CYTH1: variants seen among roughly 807,000 people sequenced by gnomAD.
The protein encoded by CYTH1 is cytohesin-1.
In CYTH1, 18 loss-of-function variants were observed where a neutral mutation model predicts 61.8. The ratio of observed to expected loss-of-function variants is 0.29; its 90% CI spans 0.20 to 0.43. CYTH1 has a LOEUF of 0.43. Ranked by LOEUF, CYTH1 falls within the 20% of genes least tolerant of loss-of-function variation. The pLI is 1.00. For missense variants in CYTH1, 336 were observed against 510.5 expected (o/e 0.66, Z 3.29); for synonymous variants, 174 against 184.3 (o/e 0.94, Z 0.45).
At chr17:78,748,850 C>T (rs1164638649) in intron 1 of CYTH1, among the ~76,000 whole-genome samples, 1 of 152,116 alleles carries the variant, frequency 6.6e-6, no homozygotes, top group East Asian at 1.9e-4. Context: ...ATATATCACC[C>T]CTTCCTTGCA....
intron 1 of CYTH1, among the ~76,000 whole-genome samples, chr17:78,781,234 C>T (rs1041974471): frequency 6.6e-6 from 1 of 151,778 alleles, no homozygotes; most frequent in African/African-American, 2.4e-5. Flanking sequence ...TCCATTTGGC[C>T]ACAGAGTTCT....
At chr17:78,699,901 T>C (rs1002316783) in intron 7 of CYTH1, among the ~76,000 whole-genome samples, 10 of 152,196 alleles carry the variant, frequency 6.6e-5, no homozygotes, top group African/African-American at 2.4e-4. Context: ...GAGATCCTCC[T>C]GCCTCAGCCT....
chr17:78,738,697 T>A (rs1282290133), intron 1 of CYTH1, among the ~76,000 whole-genome samples: 1 of 152,200 alleles, frequency 6.6e-6, no homozygotes, highest in Non-Finnish European at 1.5e-5. Flanking sequence ...TGGTTTAGTA[T>A]GTCAAAATCA....
Position 78,760,382 on chromosome 17 carries a change from TATACAC to T in CYTH1, c.22+21814_22+21819del, listed in dbSNP as rs1297688488. The stretch of plus-strand genomic sequence containing the variant: ...ATATATATATATATATATATATATA[TATACAC>T]ACACATACATATATATATGTGTATA... On this transcript the variant is annotated intron_variant, in intron 1 of 13. Coordinates refer to ENST00000446868, the MANE Select transcript of CYTH1 (RefSeq NM_004762.6). Among the ~76,000 whole-genome samples the T allele has an allele frequency of 4.0e-3, 206 of 51,692 alleles. 19 individuals carry two copies. Among genetic ancestry groups the T allele is most frequent in the African/African-American group, 0.012 (156 of 12,934 alleles). 33.9% of individuals were successfully genotyped at this position (51,692 alleles called of 152,430 possible).
chr17:78,690,393 CAAAAAAAAAAAAAAAAAAAAAAAAAA>C (rs60663636), intron 11 of CYTH1, among the ~76,000 whole-genome samples: 2 of 28,314 alleles, frequency 7.1e-5, no homozygotes, highest in East Asian at 3.8e-3. Context: ...GACTCCATCT[CAAAAAAAAAAAAAAAAAAAAAAAAAA>C]AAAAAAAAAA....
At chr17:78,713,215 CG>C (rs1244926516) in intron 1 of CYTH1, among the ~76,000 whole-genome samples, 1 of 151,922 alleles carries the variant, frequency 6.6e-6, no homozygotes, top group Non-Finnish European at 1.5e-5. Context: ...TCTACAGAAA[CG>C]CATGTTTAAA....
intron 3 of CYTH1, among the ~76,000 whole-genome samples, chr17:78,704,114 G>A (rs980149664): frequency 6.6e-6 from 1 of 152,194 alleles, no homozygotes; most frequent in Non-Finnish European, 1.5e-5. Flanking sequence ...CATATCAGAC[G>A]TGAAGACGCT....
chr17:78,775,398 G>A (rs140819034), intron 1 of CYTH1, among the ~76,000 whole-genome samples: 11 of 152,230 alleles, frequency 7.2e-5, no homozygotes, highest in African/African-American at 2.2e-4. Flanking sequence ...CAGCAGATAC[G>A]TTTTTATGCA....
At chr17:78,721,980 G>A (rs2093233089) in intron 1 of CYTH1, among the ~76,000 whole-genome samples, 1 of 152,160 alleles carries the variant, frequency 6.6e-6, no homozygotes, top group Non-Finnish European at 1.5e-5. Context: ...CTGGGAGGCG[G>A]AGGGTGCAGC....
intron 1 of CYTH1, among the ~76,000 whole-genome samples, chr17:78,718,934 T>G (rs1268114013): frequency 6.6e-6 from 1 of 152,228 alleles, no homozygotes; most frequent in East Asian, 1.9e-4. Flanking sequence ...CAGCCTGCAT[T>G]TACTGCTTGC....
intron 1 of CYTH1, among the ~76,000 whole-genome samples, chr17:78,759,186 T>C (rs2093413052): frequency 6.6e-6 from 1 of 152,198 alleles, no homozygotes; most frequent in African/African-American, 2.4e-5. Context: ...TTGTAGCCAA[T>C]CGAAGCCCAC....
intron 1 of CYTH1, among the ~76,000 whole-genome samples, chr17:78,719,568 T>A (rs2093210915): frequency 6.6e-6 from 1 of 152,200 alleles, no homozygotes; most frequent in South Asian, 2.1e-4. Flanking sequence ...CATGCTGACA[T>A]TACAAATATG....
chr17:78,707,095 A>C lies in CYTH1; in HGVS notation c.170+1102T>G, dbSNP rs566245355. Among the ~76,000 whole-genome samples, 7 of 152,318 alleles carry C rather than the reference A, an allele frequency of 4.6e-5. No homozygotes were observed. The South Asian group carries it at 1.5e-3, about 32-fold the overall frequency. On this transcript the variant is annotated intron_variant, in intron 3 of 13. Transcript: ENST00000446868. ...TTAAGCTACGAGTGTTTAAAATGGA[A>C]AGAGGGGAAACTAATCCAAAATACC... is the stretch of plus-strand genomic sequence containing the variant.
chr17:78,754,253 C>G (rs1025457889), intron 1 of CYTH1, among the ~76,000 whole-genome samples: 1 of 152,216 alleles, frequency 6.6e-6, no homozygotes, highest in Non-Finnish European at 1.5e-5. Context: ...AACCCTCTTA[C>G]GCAGATTTGC....
intron 1 of CYTH1, among the ~76,000 whole-genome samples, chr17:78,757,617 A>G (rs1377182704): frequency 1.3e-5 from 2 of 152,110 alleles, no homozygotes; most frequent in South Asian, 2.1e-4. Flanking sequence ...AATTTTAATT[A>G]TATCAGCAAC....
At chr17:78,678,800 T>A (rs59860101) in intron 13 of CYTH1, among the ~76,000 whole-genome samples, 1,628 of 152,252 alleles carry the variant, frequency 0.011, 27 homozygotes, top group African/African-American at 0.038. Flanking sequence ...TCTCATTTAA[T>A]CCTCAAAAGA....
chr17:78,710,781 G>T (rs2093120628), intron 1 of CYTH1, among the ~76,000 whole-genome samples: 1 of 152,182 alleles, frequency 6.6e-6, no homozygotes, highest in Non-Finnish European at 1.5e-5. Flanking sequence ...GTTGGCTCTT[G>T]TTCCCTCCAT....
At chr17:78,707,021 C>T (rs7208210) in intron 3 of CYTH1, among the ~76,000 whole-genome samples, 10,372 of 152,210 alleles carry the variant, frequency 0.068, 713 homozygotes, top group African/African-American at 0.17. Flanking sequence ...TTATCTTTTA[C>T]AAAAGCGGAA....
chr17:78,760,432 CAT>C (rs1284170425), intron 1 of CYTH1, among the ~76,000 whole-genome samples: 5,002 of 40,796 alleles, frequency 0.12, 1,211 homozygotes, highest in South Asian at 0.14. Context: ...TATACACATA[CAT>C]ATATATATGT....
Sources: allele counts gnomAD v4.1 joint callset (sites outside exome capture counted in the v4.1 genomes callset), GRCh38; gene constraint gnomAD v4.1.1; transcripts MANE v1.5; gene names NCBI Gene and HGNC (gene_info 2026-07-23, HGNC 2026-07-21).